The following MINDY3 variants were observed in gnomAD, a reference collection of about 807,000 sequenced individuals.
MINDY3 encodes the protein ubiquitin carboxyl-terminal hydrolase MINDY-3.
In MINDY3, 38 loss-of-function variants were observed where a neutral mutation model predicts 69.2. The ratio of observed to expected loss-of-function variants is 0.55; its 90% CI spans 0.42 to 0.72. MINDY3 has a LOEUF of 0.72. Among genes scored for constraint, MINDY3 ranks in the 30% least tolerant of loss-of-function variants. MINDY3 has a pLI of 0.00. For missense variants in MINDY3, 522 were observed against 519.0 expected, an observed-to-expected ratio of 1.01 and a Z score of -0.06; for synonymous variants, 192 against 180.1, an observed-to-expected ratio of 1.07 and a Z score of -0.53.
chr10:15,822,032 T>A (rs1276151398), intron 8 of MINDY3, among the ~76,000 whole-genome samples: 1 of 152,160 alleles, frequency 6.6e-6, no homozygotes, highest in Non-Finnish European at 1.5e-5. Context: ...CATGCCATTG[T>A]TGACAAAAAT....
intron 10 of MINDY3, among the ~76,000 whole-genome samples, chr10:15,801,368 T>C (rs1564471382): frequency 2.0e-5 from 3 of 152,150 alleles, no homozygotes; most frequent in African/African-American, 7.2e-5. Context: ...GCCAATCTTT[T>C]GGCTGTATAA....
chr10:15,827,824 A>G (rs1451305738), intron 8 of MINDY3, among the ~76,000 whole-genome samples: 1 of 152,218 alleles, frequency 6.6e-6, no homozygotes, highest in Non-Finnish European at 1.5e-5. Flanking sequence ...AGGCTCAATG[A>G]GCACCAGAGA....
At chr10:15,815,478 T>C (rs1189733404) in intron 10 of MINDY3, among the ~76,000 whole-genome samples, 3 of 152,194 alleles carry the variant, frequency 2.0e-5, no homozygotes, top group Non-Finnish European at 4.4e-5. Context: ...TTGTACTTTC[T>C]ACAGAAACAA....
intron 10 of MINDY3, among the ~76,000 whole-genome samples, chr10:15,808,486 C>G (rs961510431): frequency 1.3e-5 from 2 of 152,132 alleles, no homozygotes; most frequent in Non-Finnish European, 2.9e-5. Context: ...GAGAAAGGCT[C>G]TAACAGTTCA....
Position 15,860,233 on chromosome 10 carries a change from C to A in MINDY3, c.67G>T (p.Asp23Tyr). Residue 23 changes from aspartate to tyrosine, a missense_variant, in exon 1 of 15, where the codon GAC becomes TAC. Physicochemically the swap from Asp to Tyr is radical, Grantham distance 160. Transcript: ENST00000277632. Reference sequence around the variant, plus strand: ...TGCGTCCAGCGGCAGAAAATGGTGTCCGAGAGACCGGGGCTGCTCTTGGTG... The same window carrying A: ...TGCGTCCAGCGGCAGAAAATGGTGTACGAGAGACCGGGGCTGCTCTTGGTG... Reference protein sequence around the residue: ...WGTKSSPGLSDTIFCRWTQGF... With the variant: ...WGTKSSPGLSYTIFCRWTQGF... 1 of 1,610,298 alleles carries A rather than the reference C, an allele frequency of 6.2e-7. No individual in the cohort carries two copies.
At chr10:15,812,076 G>T (rs1225219899) in intron 10 of MINDY3, among the ~76,000 whole-genome samples, 1 of 151,936 alleles carries the variant, frequency 6.6e-6, no homozygotes, top group African/African-American at 2.4e-5. Flanking sequence ...TGAGTAGCTG[G>T]GATTACAGGT....
Position 15,834,601 on chromosome 10 carries a change from TTA to T in MINDY3, c.590_591del (p.Ile197LysfsTer5), listed in dbSNP as rs755155733. On this transcript the variant is annotated frameshift_variant, in exon 7 of 15. Coordinates refer to ENST00000277632, the MANE Select transcript of MINDY3 (RefSeq NM_024948.4). LOFTEE classifies it high-confidence loss of function. ...TCACTTGCATCTTCAATTTCGTTTT[TTA>T]TGTTTTCAATGCCCTAAAGAAACAG... ...SVLLTKGIEN[I>X]KNEIEDASEP... 6.2e-7 allele frequency: 1 copy of T among 1,610,634 alleles called. No individual in the cohort carries two copies. The highest frequency in any genetic ancestry group is 8.5e-7 in the Non-Finnish European group (1 of 1,177,698).
In MINDY3 at chr10:15,786,464, G is replaced by A. The variant is rs535421430; in HGVS notation, c.1116+97C>T. The stretch of plus-strand genomic sequence containing the variant: ...GGTGTTTTCTCAGTCTCATATCTGC[G>A]CATTAGGACATTGTACAGAAAGAGA... On this transcript the variant is annotated intron_variant, in intron 13 of 14. Transcript: ENST00000277632. The A allele has an allele frequency of 5.1e-5, 39 of 763,244 alleles. No individual in the cohort carries two copies. In the East Asian group the frequency reaches 5.8e-4, roughly 11 times the overall value. The allele number at this position is 763,244 out of a possible 1,614,324, so 47.3% of individuals were successfully genotyped here.
At chr10:15,781,769 G>A (rs1179818342) in intron 14 of MINDY3, among the ~76,000 whole-genome samples, 1 of 152,176 alleles carries the variant, frequency 6.6e-6, no homozygotes, top group Non-Finnish European at 1.5e-5. Context: ...TGCTGACTAT[G>A]AAGGTTATTT....
intron 8 of MINDY3, among the ~76,000 whole-genome samples, chr10:15,831,288 A>C (rs775716519): frequency 3.1e-4 from 47 of 152,178 alleles, no homozygotes; most frequent in Admixed American, 1.8e-3. Context: ...TTTTCTAGCA[A>C]TAATCAGCCT....
chr10:15,849,339 C>T (rs146739935), intron 1 of MINDY3, among the ~76,000 whole-genome samples: 1,551 of 152,004 alleles, frequency 0.01, 30 homozygotes, highest in African/African-American at 0.036. Flanking sequence ...GAGGTGCCAG[C>T]AAATGGGCGG....
chr10:15,859,015 G>A (rs1834893853), intron 1 of MINDY3, among the ~76,000 whole-genome samples: 1 of 152,164 alleles, frequency 6.6e-6, no homozygotes, highest in African/African-American at 2.4e-5. Context: ...ATTAGGAATC[G>A]AGAGACCTGG....
rs557200731 is a variant in MINDY3 at position 15,824,244 on chromosome 10, A to G, written c.731-2518T>C. Among the ~76,000 whole-genome samples the G allele has an allele frequency of 1.2e-4, 19 of 152,292 alleles. No homozygotes were observed. The South Asian group carries it at 3.9e-3, about 32-fold the overall frequency. ...GGCTGTACAAGTTTATATTCCCACC[A>G]ACAGCATATAGGAGTTCTCTTTTCT... On this transcript the variant is annotated intron_variant, in intron 8 of 14. Coordinates refer to ENST00000277632, the MANE Select transcript of MINDY3 (RefSeq NM_024948.4).
intron 8 of MINDY3, among the ~76,000 whole-genome samples, chr10:15,826,019 C>G (rs1840063568): frequency 6.6e-6 from 1 of 151,938 alleles, no homozygotes; most frequent in Non-Finnish European, 1.5e-5. Flanking sequence ...TGTACAAATA[C>G]TGAAGAATTC....
Position 15,860,311 on chromosome 10 carries a change from G to A in MINDY3, c.-12C>T, listed in dbSNP as rs1408424440. The A allele has an allele frequency of 1.1e-5, 18 of 1,580,468 alleles. No individual in the cohort carries two copies. Among genetic ancestry groups the A allele is most frequent in the Admixed American group, 7.2e-5 (4 of 55,414 alleles). Reference sequence around the variant, plus strand: ...GTCAGTTCGGACATGATGAGGAACCGGCGGGCGGATCTTCGCTTTGCGGAC... The same window carrying A: ...GTCAGTTCGGACATGATGAGGAACCAGCGGGCGGATCTTCGCTTTGCGGAC... On this transcript the variant is annotated 5_prime_UTR_variant, in exon 1 of 15. Transcript: ENST00000277632.
At chr10:15,786,457 T>A (rs549404574) in intron 13 of MINDY3, 104 bp downstream of exon 13, 10 of 740,710 alleles carry the variant, frequency 1.4e-5, no homozygotes, top group African/African-American at 1.2e-4. Context: ...CTCAGTCTCA[T>A]ATCTGCGCAT....
intron 1 of MINDY3, among the ~76,000 whole-genome samples, chr10:15,848,151 C>A (rs897188940): frequency 6.6e-6 from 1 of 152,116 alleles, no homozygotes; most frequent in African/African-American, 2.4e-5. Context: ...AGTACATATA[C>A]TCACACAATT....
At chr10:15,791,723 A>G (rs1233073606) in intron 11 of MINDY3, among the ~76,000 whole-genome samples, 1 of 152,132 alleles carries the variant, frequency 6.6e-6, no homozygotes, top group Non-Finnish European at 1.5e-5. Context: ...GTGGGGAGGA[A>G]TAACTCAATG....
At chr10:15,792,254 TC>T (rs1837475106) in intron 11 of MINDY3, among the ~76,000 whole-genome samples, 1 of 152,046 alleles carries the variant, frequency 6.6e-6, no homozygotes, top group Admixed American at 6.6e-5. Context: ...TACTTCTGGC[TC>T]CCCAGTGGGC....
Sources: allele counts gnomAD v4.1 joint callset (sites outside exome capture counted in the v4.1 genomes callset), GRCh38; gene constraint gnomAD v4.1.1; transcripts MANE v1.5; gene names NCBI Gene and HGNC (gene_info 2026-07-23, HGNC 2026-07-21).